IGF2BP3: variants seen among roughly 807,000 people sequenced by gnomAD.
IGF2BP3 encodes insulin-like growth factor 2 mRNA-binding protein 3.
In IGF2BP3, 9 loss-of-function variants were observed where a neutral mutation model predicts 73.8. The observed-to-expected ratio is 0.12, with a 90% CI of 0.07 to 0.21. The LOEUF (loss-of-function observed/expected upper bound fraction) is 0.21. Ranked by LOEUF, IGF2BP3 falls within the 10% of genes least tolerant of loss-of-function variation. The pLI is 1.00. For synonymous variants in IGF2BP3, 258 were observed against 256.7 expected (o/e 1.01, Z -0.05); for missense variants, 542 against 714.0 (o/e 0.76, Z 2.75).
chr7:23,337,334 G>C (rs1208189353), intron 10 of IGF2BP3, among the ~76,000 whole-genome samples: 2 of 152,128 alleles, frequency 1.3e-5, no homozygotes, highest in South Asian at 2.1e-4. Flanking sequence ...TCTTTATTTA[G>C]ATGAAAATAA....
At chr7:23,441,574 TAAAAAAAAAA>T (rs769391858) in intron 2 of IGF2BP3, among the ~76,000 whole-genome samples, 1,732 of 56,936 alleles carry the variant, frequency 0.03, 38 homozygotes, top group African/African-American at 0.079. Context: ...CTCCATCTCT[TAAAAAAAAAA>T]AAAAAAAAAA....
intron 5 of IGF2BP3, 90 bp downstream of exon 5, chr7:23,361,444 A>T: frequency 9.9e-7 from 1 of 1,010,058 alleles, no homozygotes; most frequent in Non-Finnish European, 1.5e-6. Flanking sequence ...TCTGCCACCT[A>T]CCAGCCCTTC....
At chr7:23,397,302 G>C (rs535642077) in intron 3 of IGF2BP3, among the ~76,000 whole-genome samples, 1 of 152,224 alleles carries the variant, frequency 6.6e-6, no homozygotes, top group South Asian at 2.1e-4. Flanking sequence ...TCTAAGAAGA[G>C]GCAGAAGCAA....
At chr7:23,455,692 C>A (rs1389837833) in intron 2 of IGF2BP3, among the ~76,000 whole-genome samples, 4 of 132,394 alleles carry the variant, frequency 3.0e-5, no homozygotes, top group Non-Finnish European at 5.1e-5. Context: ...AAGGGTCTTA[C>A]TATTTTTTTT....
intron 10 of IGF2BP3, among the ~76,000 whole-genome samples, chr7:23,340,084 C>A (rs1268264700): frequency 1.3e-5 from 2 of 152,084 alleles, no homozygotes; most frequent in East Asian, 1.9e-4. Flanking sequence ...AGGAGTCTGA[C>A]CTTCAGTGAC....
At chr7:23,466,460 TA>T (rs1788569590) in intron 2 of IGF2BP3, among the ~76,000 whole-genome samples, 1 of 152,264 alleles carries the variant, frequency 6.6e-6, no homozygotes, top group African/African-American at 2.4e-5. Flanking sequence ...CTGAGCATTT[TA>T]ATGAACTTGA....
At position 23,392,762 on chromosome 7, in the gene IGF2BP3, T is replaced by C. The variant is rs1196506825; in HGVS notation, c.285+26014A>G. Among the ~76,000 whole-genome samples the C allele has an allele frequency of 4.6e-5, 7 of 152,082 alleles. No individual in the cohort carries two copies. In the East Asian group the frequency reaches 1.4e-3, roughly 29 times the overall value. ...CTCCCACCTCAGCCTCCCAAGTAGCTGGGACTACAGACGTGGGCCACCACG... is the reference window on the plus strand; with the variant it reads ...CTCCCACCTCAGCCTCCCAAGTAGCCGGGACTACAGACGTGGGCCACCACG... On this transcript the variant is annotated intron_variant, in intron 3 of 14. Coordinates refer to ENST00000258729, the MANE Select transcript of IGF2BP3 (RefSeq NM_006547.3).
intron 3 of IGF2BP3, among the ~76,000 whole-genome samples, chr7:23,386,783 G>C (rs138307191): frequency 6.6e-6 from 1 of 151,882 alleles, no homozygotes; most frequent in Non-Finnish European, 1.5e-5. Context: ...GTTAACATCA[G>C]TGGGCTGGGC....
intron 2 of IGF2BP3, among the ~76,000 whole-genome samples, chr7:23,423,220 T>C (rs1412712052): frequency 6.6e-6 from 1 of 152,202 alleles, no homozygotes; most frequent in African/African-American, 2.4e-5. Context: ...TTAACAAGAA[T>C]GAACCAAAGG....
At chr7:23,343,487 A>AG (rs769392313) in intron 9 of IGF2BP3, among the ~76,000 whole-genome samples, 4 of 152,234 alleles carry the variant, frequency 2.6e-5, no homozygotes, top group Non-Finnish European at 5.9e-5. Flanking sequence ...TTCAGACAGA[A>AG]GGAAGCTAAG....
chr7:23,374,689 T>C (rs551354027), intron 3 of IGF2BP3, among the ~76,000 whole-genome samples: 6 of 151,934 alleles, frequency 3.9e-5, no homozygotes, highest in East Asian at 1.9e-4. Context: ...ATAGTGACGA[T>C]GATGATGATG....
At chr7:23,322,658 G>A (rs914622962) in intron 10 of IGF2BP3, among the ~76,000 whole-genome samples, 11 of 152,136 alleles carry the variant, frequency 7.2e-5, no homozygotes, top group African/African-American at 2.7e-4. Flanking sequence ...AAAATGTTAA[G>A]GGCAGCCAGA....
rs1470832067 is a variant in IGF2BP3 at position 23,346,588 on chromosome 7, C to T, written c.819-526G>A. Among the ~76,000 whole-genome samples, 3 of 148,036 alleles carry T rather than the reference C, an allele frequency of 2.0e-5. No homozygotes were observed. The East Asian group carries it at 5.8e-4, about 29-fold the overall frequency. ...GTGGTTAATAGATGGTGGGCTTTTC[C>T]TTTTTCTTTCTTTTTTTTTTTTTGA... On this transcript the variant is annotated intron_variant, in intron 7 of 14. Transcript: ENST00000258729.
chr7:23,358,169 A>T (rs1250783227), intron 5 of IGF2BP3, among the ~76,000 whole-genome samples: 1 of 152,236 alleles, frequency 6.6e-6, no homozygotes, highest in African/African-American at 2.4e-5. Context: ...GAACCATAAC[A>T]GATTAACTTG....
intron 3 of IGF2BP3, among the ~76,000 whole-genome samples, chr7:23,391,172 T>C (rs1320528774): frequency 1.3e-5 from 2 of 149,190 alleles, no homozygotes; most frequent in Non-Finnish European, 3.0e-5. Context: ...CGATCTTGGC[T>C]CACTGCAACC....
intron 10 of IGF2BP3, among the ~76,000 whole-genome samples, chr7:23,320,336 G>T (rs1583878325): frequency 6.6e-6 from 1 of 152,042 alleles, no homozygotes; most frequent in African/African-American, 2.4e-5. Flanking sequence ...CAAGCCAGTT[G>T]TGCCCTTCCT....
chr7:23,416,777 G>A (rs554682071), intron 3 of IGF2BP3, among the ~76,000 whole-genome samples: 13 of 152,326 alleles, frequency 8.5e-5, no homozygotes, highest in African/African-American at 2.9e-4. Context: ...ATACAGGCTG[G>A]GTGCAGTGGC....
At position 23,403,323 on chromosome 7, in the gene IGF2BP3, T is replaced by G. The variant is rs189862514; in HGVS notation, c.285+15453A>C. 2.2e-4 allele frequency among the ~76,000 whole-genome samples: 34 copies of G among 152,354 alleles called. No individual in the cohort carries two copies. The East Asian group carries it at 6.4e-3, about 28-fold the overall frequency. ...CATATGGTACAAGCACTTAGCTATT[T>G]CATTATGCCTAAACTCTGATCATGC... On this transcript the variant is annotated intron_variant, in intron 3 of 14. Transcript: ENST00000258729.
At chr7:23,394,354 C>A (rs1008796165) in intron 3 of IGF2BP3, among the ~76,000 whole-genome samples, 6 of 152,100 alleles carry the variant, frequency 3.9e-5, no homozygotes, top group African/African-American at 1.4e-4. Flanking sequence ...GTAGTCCCAG[C>A]TACTCGGGAA....
Sources: allele counts gnomAD v4.1 joint callset (sites outside exome capture counted in the v4.1 genomes callset), GRCh38; gene constraint gnomAD v4.1.1; transcripts MANE v1.5; gene names NCBI Gene and HGNC (gene_info 2026-07-23, HGNC 2026-07-21).